HOXC6: variants seen among roughly 807,000 people sequenced by gnomAD.
HOXC6 encodes homeobox C6.
A neutral mutation model predicts 24.0 loss-of-function variants in HOXC6; 10 were observed. The ratio of observed to expected loss-of-function variants is 0.42; its 90% CI spans 0.26 to 0.71. The LOEUF (loss-of-function observed/expected upper bound fraction) is 0.71, where lower values mean the gene tolerates loss of function less well. Among genes scored for constraint, HOXC6 ranks in the 30% least tolerant of loss-of-function variants. The pLI is 0.28. For missense variants in HOXC6, 258 were observed against 303.4 expected, an observed-to-expected ratio of 0.85 and a Z score of 1.11; for synonymous variants, 123 against 128.1, an observed-to-expected ratio of 0.96 and a Z score of 0.27.
At chr12:54,023,692 A>G (rs1361840955), upstream of HOXC6, among the ~76,000 whole-genome samples, 1 of 152,106 alleles carries the variant, frequency 6.6e-6, no homozygotes, top group African/African-American at 2.4e-5. Context: ...AGCACCCCCA[A>G]ATGATATCCA....
Position 54,029,765 on chromosome 12 carries a change from C to G in HOXC6, c.511C>G (p.Arg171Gly). 6.2e-7 allele frequency: 1 copy of G among 1,614,092 alleles called. No homozygotes were observed. The highest frequency in any genetic ancestry group is 1.1e-5 in the South Asian group (1 of 91,068). ...HFNRYLTRRRRIEIANALCLT... is the reference protein window; with the variant it reads ...HFNRYLTRRRGIEIANALCLT... ...CAATCGCTACCTAACGCGGCGCCGG[C>G]GCATCGAGATCGCCAACGCGCTTTG... The change falls in exon 2 of 2, where the codon CGC becomes GGC. Residue 171 changes from arginine (R) to glycine (G), a missense_variant. Coordinates refer to ENST00000243108, the MANE Select transcript of HOXC6 (RefSeq NM_004503.4).
chr12:54,029,899 C>A lies in HOXC6; in HGVS notation c.645C>A (p.Ala215=), dbSNP rs1046125618. 1 of 1,609,450 alleles carries A rather than the reference C, an allele frequency of 6.2e-7. No individual in the cohort carries two copies. Among genetic ancestry groups the A allele is most frequent in the South Asian group, 1.1e-5 (1 of 90,936 alleles). Residue 215 remains alanine (A), a synonymous_variant, in exon 2 of 2, where the codon GCC becomes GCA. Coordinates refer to ENST00000243108, the MANE Select transcript of HOXC6 (RefSeq NM_004503.4). ...CGGGGGGCGGCGGAGGGGCCACCGC[C>A]GACAGCCTGGGCGGAAAAGAGGAAA... ...TLSGGGGGAT[A]DSLGGKEEKR... is the part of the protein sequence containing the mutation.
upstream of HOXC6, among the ~76,000 whole-genome samples, chr12:54,025,866 A>C (rs1001397497): frequency 1.6e-4 from 24 of 152,102 alleles, no homozygotes; most frequent in Admixed American, 9.8e-4. Flanking sequence ...GGCTCAAGGA[A>C]ACCTAGGCAT....
At chr12:54,017,753 G>A (rs1592217866) in intron 1 of HOXC6, among the ~76,000 whole-genome samples, 1 of 152,116 alleles carries the variant, frequency 6.6e-6, no homozygotes, top group Non-Finnish European at 1.5e-5. Context: ...ATAGATCTTC[G>A]GTCTCTTGGC....
At chr12:54,025,883 T>G (rs1940672981), upstream of HOXC6, among the ~76,000 whole-genome samples, 1 of 151,982 alleles carries the variant, frequency 6.6e-6, no homozygotes, top group South Asian at 2.1e-4. Context: ...GCATCCTTGC[T>G]GGGGGCTGTA....
At chr12:54,029,152 A>AG (rs1262598044) in intron 1 of HOXC6, among the ~76,000 whole-genome samples, 2 of 151,688 alleles carry the variant, frequency 1.3e-5, no homozygotes, top group African/African-American at 2.4e-5. Context: ...AGGCGGGCTG[A>AG]GGGGGCAGGA....
In HOXC6 at chr12:54,028,867, C is replaced by T; in HGVS notation, c.346C>T (p.Gln116Ter). ...GCAGGGCAGGACTGCGCCCCAGGAC[C>T]AGAAAGCCAGTATCCAGATTTACCC... ...SEQGRTAPQD[Q>*]KASIQIYPWM... Residue 116 changes from glutamine to a stop codon, truncating the protein, a stop_gained, in exon 1 of 2, where the codon CAG (glutamine) becomes TAG (stop). Transcript: ENST00000243108. LOFTEE classifies it high-confidence loss of function. The T allele has an allele frequency of 6.2e-7, 1 of 1,613,880 alleles. No homozygotes were observed. The highest frequency in any genetic ancestry group is 8.5e-7 in the Non-Finnish European group (1 of 1,180,028).
intron 1 of HOXC6, chr12:54,021,719 G>A (rs1331079881): frequency 1.3e-5 from 2 of 152,260 alleles, no homozygotes; most frequent in African/African-American, 2.4e-5. Context: ...AGGCACTGGG[G>A]TGACATTACT....
chr12:54,029,051 G>C, intron 1 of HOXC6, 130 bp downstream of exon 1: 1 of 895,632 alleles, frequency 1.1e-6, no homozygotes, highest in Non-Finnish European at 1.7e-6. Flanking sequence ...TCCTCACCGA[G>C]ACAGGGCCCC....
upstream of HOXC6, among the ~76,000 whole-genome samples, chr12:54,025,538 G>T (rs1174765687): frequency 1.3e-5 from 1 of 74,126 alleles, no homozygotes; most frequent in Non-Finnish European, 2.6e-5. Flanking sequence ...GGGGGGGGGG[G>T]AGGTGTTGAA....
At chr12:54,022,109 G>C (rs1940474463) in intron 1 of HOXC6, 1 of 152,176 alleles carries the variant, frequency 6.6e-6, no homozygotes, top group Non-Finnish European at 1.5e-5. Context: ...CCTTCCCCTG[G>C]TGACCACTTG....
At chr12:54,017,871 A>T (rs1380593183) in intron 1 of HOXC6, among the ~76,000 whole-genome samples, 1 of 149,348 alleles carries the variant, frequency 6.7e-6, no homozygotes, top group Non-Finnish European at 1.5e-5. Context: ...CCCAACCCCC[A>T]AACAAACTTT....
At chr12:54,019,990 C>G (rs1354662597) in intron 1 of HOXC6, 1 of 152,192 alleles carries the variant, frequency 6.6e-6, no homozygotes, top group Non-Finnish European at 1.5e-5. Flanking sequence ...AGGGGATAAA[C>G]TGGACCCCAG....
At chr12:54,020,601 A>G (rs1161548588) in intron 1 of HOXC6, 3 of 152,182 alleles carry the variant, frequency 2.0e-5, no homozygotes, top group Admixed American at 1.3e-4. Flanking sequence ...ATACAGACTC[A>G]TATTTCCTTG....
At position 54,029,687 on chromosome 12, in the gene HOXC6, C is replaced by G; in HGVS notation, c.433C>G (p.Arg145Gly). Residue 145 changes from arginine (R) to glycine (G), a missense_variant, in exon 2 of 2, where the codon CGC becomes GGC. Physicochemically the swap from Arg to Gly is moderately radical, Grantham distance 125. Coordinates refer to ENST00000243108, the MANE Select transcript of HOXC6 (RefSeq NM_004503.4). ...VGYGADRRRG[R>G]QIYSRYQTLE... ...CTACGGAGCGGACCGGAGGCGCGGC[C>G]GCCAGATCTACTCGCGGTACCAGAC... 1 of 1,613,848 alleles carries G rather than the reference C, an allele frequency of 6.2e-7. No individual in the cohort carries two copies. The highest frequency in any genetic ancestry group is 8.5e-7 in the Non-Finnish European group (1 of 1,179,794).
intron 1 of HOXC6, among the ~76,000 whole-genome samples, chr12:54,018,023 T>C (rs888482654): frequency 6.6e-6 from 1 of 152,016 alleles, no homozygotes; most frequent in East Asian, 1.9e-4. Context: ...GCCTGTTAAT[T>C]GGCAATTAGG....
intron 1 of HOXC6, chr12:54,020,268 G>T (rs1940374551): frequency 6.6e-6 from 1 of 152,258 alleles, no homozygotes; most frequent in Non-Finnish European, 1.5e-5. Context: ...TGAATCTGTG[G>T]GTCAGGGCCT....
intron 1 of HOXC6, among the ~76,000 whole-genome samples, chr12:54,018,620 G>A (rs983789551): frequency 3.3e-5 from 5 of 152,234 alleles, no homozygotes; most frequent in African/African-American, 1.2e-4. Context: ...CCCTGAATGT[G>A]TTGCAGTTTG....
rs1397781457 is a variant in HOXC6 at position 54,028,573 on chromosome 12, C to A, written c.52C>A (p.Gln18Lys). 6.2e-7 allele frequency: 1 copy of A among 1,614,116 alleles called. No individual in the cohort carries two copies. Among genetic ancestry groups the A allele is most frequent in the Admixed American group, 1.7e-5 (1 of 60,016 alleles). Reference protein sequence around the residue: ...PSLSCHLAGGQDVLPNVALNS... With the variant: ...PSLSCHLAGGKDVLPNVALNS... ...CTTATCCTGCCACCTCGCCGGGGGC[C>A]AGGACGTCCTCCCCAACGTCGCCCT... The change falls in exon 1 of 2, where the codon CAG becomes AAG. Residue 18 changes from glutamine to lysine, a missense_variant. By Grantham distance (53) the Gln-to-Lys change is moderately conservative (BLOSUM62 1). Transcript: ENST00000243108.
Sources: gnomAD v4.1 joint callset for allele counts (sites outside exome capture counted in the v4.1 genomes callset) on GRCh38, gnomAD v4.1.1 for gene constraint, MANE v1.5 for transcripts, NCBI Gene and HGNC (gene_info 2026-07-23, HGNC 2026-07-21) for gene names.